BMPER: variants seen among roughly 807,000 people sequenced by gnomAD.
BMPER encodes the protein BMP binding endothelial regulator.
BMPER carries 45 observed loss-of-function variants against 87.3 expected under a neutral mutation model. That is an observed-to-expected ratio of 0.52 (90% CI 0.41 to 0.66). The LOEUF is 0.66. Among genes scored for constraint, BMPER ranks in the 30% least tolerant of loss-of-function variants. The pLI is 0.00. For synonymous variants in BMPER, 326 were observed against 316.2 expected (o/e 1.03, Z -0.33); for missense variants, 784 against 867.5 (o/e 0.90, Z 1.21).
intron 13 of BMPER, among the ~76,000 whole-genome samples, chr7:34,120,964 TTA>T (rs975795126): frequency 2.0e-5 from 3 of 151,814 alleles, no homozygotes; most frequent in Non-Finnish European, 4.4e-5. Flanking sequence ...TGTGGAAAAA[TTA>T]TGTTATTTAA....
intron 11 of BMPER, among the ~76,000 whole-genome samples, chr7:34,067,965 TAGTACTC>T (rs1262632400): frequency 6.6e-6 from 1 of 152,214 alleles, no homozygotes; most frequent in Non-Finnish European, 1.5e-5. Flanking sequence ...CACAGGGTGT[TAGTACTC>T]AGTAAGTCCT....
chr7:34,012,611 A>G (rs1207378526), intron 6 of BMPER, among the ~76,000 whole-genome samples: 1 of 152,032 alleles, frequency 6.6e-6, no homozygotes, highest in African/African-American at 2.4e-5. Context: ...GTTGGGTGAG[A>G]TGGAGAGGTA....
At chr7:34,128,925 A>C (rs1457836028) in intron 13 of BMPER, among the ~76,000 whole-genome samples, 1 of 152,174 alleles carries the variant, frequency 6.6e-6, no homozygotes, top group East Asian at 1.9e-4. Context: ...ATATTCCCTA[A>C]GGTCTTTTAA....
In BMPER at chr7:33,935,594, CAG is replaced by C. The variant is rs35522311; in HGVS notation, c.220-1677_220-1676del. ...CCCAAAAAAGAAAGAGAGAAAGAGACAGAGAGAGAGAGAGAGAGAAGGAGAAA... is the reference window on the plus strand; with the variant it reads ...CCCAAAAAAGAAAGAGAGAAAGAGACAGAGAGAGAGAGAGAGAAGGAGAAA... On this transcript the variant is annotated intron_variant, in intron 2 of 14. Transcript: ENST00000649409. Among the ~76,000 whole-genome samples the C allele has an allele frequency of 7.5e-3, 1,099 of 147,226 alleles. 5 individuals are homozygous for C. The highest frequency in any genetic ancestry group is 0.024 in the Middle Eastern group (7 of 292).
intron 2 of BMPER, among the ~76,000 whole-genome samples, chr7:33,930,562 C>T (rs1585647678): frequency 1.3e-5 from 2 of 152,130 alleles, no homozygotes; most frequent in Admixed American, 6.5e-5. Flanking sequence ...AGTTCATGCT[C>T]GTTTGCTCAG....
At chr7:34,080,508 T>A (rs1788983835) in intron 12 of BMPER, among the ~76,000 whole-genome samples, 1 of 152,162 alleles carries the variant, frequency 6.6e-6, no homozygotes, top group African/African-American at 2.4e-5. Context: ...TTGTGAGAGA[T>A]CTACTCATTC....
At chr7:33,990,092 G>C (rs563246598) in intron 6 of BMPER, among the ~76,000 whole-genome samples, 1 of 150,880 alleles carries the variant, frequency 6.6e-6, no homozygotes, top group Non-Finnish European at 1.5e-5. Flanking sequence ...TTGACTTGGC[G>C]ATGCAGGCTC....
rs118189068 is a variant in BMPER, at chr7:33,912,166, A to G, written c.219+5263A>G. ...AACAAAAAACACAACTTTCCGTGGAAGAGGGGCCTGCTTTCTTGCAGAGTA... is the reference window on the plus strand; with the variant it reads ...AACAAAAAACACAACTTTCCGTGGAGGAGGGGCCTGCTTTCTTGCAGAGTA... On this transcript the variant is annotated intron_variant, in intron 2 of 14. Coordinates refer to ENST00000649409, the MANE Select transcript of BMPER (RefSeq NM_001365308.1). 1.9e-3 allele frequency among the ~76,000 whole-genome samples: 296 copies of G among 152,312 alleles called. 10 individuals carry two copies. In the East Asian group the frequency reaches 0.039, roughly 20 times the overall value.
chr7:33,951,309 A>C lies in BMPER; in HGVS notation c.319+13921A>C, dbSNP rs183172142. Among the ~76,000 whole-genome samples, 30 of 152,122 alleles carry C rather than the reference A, an allele frequency of 2.0e-4. No homozygotes were observed. The East Asian group carries it at 5.4e-3, about 28-fold the overall frequency. The stretch of plus-strand genomic sequence containing the variant: ...GTGATCCACCCGCCTTGGCCTCCTG[A>C]AGTGCTGGGATAACAGGTGTGAGCC... On this transcript the variant is annotated intron_variant, in intron 3 of 14. Coordinates refer to ENST00000649409, the MANE Select transcript of BMPER (RefSeq NM_001365308.1).
At chr7:34,108,801 T>C (rs1789888343) in intron 13 of BMPER, among the ~76,000 whole-genome samples, 2 of 152,238 alleles carry the variant, frequency 1.3e-5, no homozygotes, top group Non-Finnish European at 2.9e-5. Context: ...TCCCCATGGA[T>C]TTTTGAATGT....
At chr7:34,051,730 A>G in intron 7 of BMPER, 131 bp from the exon 8 acceptor site, 2 of 784,142 alleles carry the variant, frequency 2.6e-6, no homozygotes, top group South Asian at 1.4e-5. Flanking sequence ...CTGACCCAAG[A>G]CTCTATTTTT....
chr7:34,060,757 A>G (rs939376477), intron 10 of BMPER, among the ~76,000 whole-genome samples: 1 of 152,160 alleles, frequency 6.6e-6, no homozygotes, highest in Non-Finnish European at 1.5e-5. Context: ...CAACCTCTCC[A>G]TGGTCTCTGT....
At chr7:34,119,014 T>TCA (rs138792693) in intron 13 of BMPER, among the ~76,000 whole-genome samples, 91 of 135,790 alleles carry the variant, frequency 6.7e-4, no homozygotes, top group East Asian at 3.5e-3. Flanking sequence ...TCTCTCTCTC[T>TCA]CACACACACA....
chr7:33,980,428 A>G (rs1785821401), intron 6 of BMPER, among the ~76,000 whole-genome samples: 1 of 152,218 alleles, frequency 6.6e-6, no homozygotes, highest in Non-Finnish European at 1.5e-5. Flanking sequence ...GTTAAAGCAC[A>G]CCTTGGCTTC....
chr7:34,020,560 T>A (rs185237366), intron 6 of BMPER, among the ~76,000 whole-genome samples: 24 of 152,102 alleles, frequency 1.6e-4, no homozygotes, highest in African/African-American at 5.5e-4. Flanking sequence ...GGGTACATCA[T>A]GGGAATCTGC....
At chr7:34,030,700 T>A (rs62449749) in intron 6 of BMPER, among the ~76,000 whole-genome samples, 25,207 of 151,776 alleles carry the variant, frequency 0.17, 2,478 homozygotes, top group East Asian at 0.25. Flanking sequence ...TAGCTCACTA[T>A]ATAACCTGGA....
intron 8 of BMPER, among the ~76,000 whole-genome samples, chr7:34,053,952 A>G (rs1411660331): frequency 6.6e-6 from 1 of 152,202 alleles, no homozygotes. Flanking sequence ...TCTACCAGCA[A>G]TGTTATTACC....
intron 3 of BMPER, among the ~76,000 whole-genome samples, chr7:33,958,556 C>T (rs1785200011): frequency 6.6e-6 from 1 of 152,092 alleles, no homozygotes; most frequent in African/African-American, 2.4e-5. Context: ...TGAAAGGCAG[C>T]ATGCCATCTT....
At chr7:34,081,647 T>C (rs1789051756) in intron 12 of BMPER, among the ~76,000 whole-genome samples, 1 of 152,256 alleles carries the variant, frequency 6.6e-6, no homozygotes, top group African/African-American at 2.4e-5. Flanking sequence ...ATTTCCTTTC[T>C]ACCATCTGTT....
Sources: allele counts gnomAD v4.1 joint callset (sites outside exome capture counted in the v4.1 genomes callset), GRCh38; gene constraint gnomAD v4.1.1; transcripts MANE v1.5; gene names NCBI Gene and HGNC (gene_info 2026-07-23, HGNC 2026-07-21).